The following MAN1C1 variants were observed in gnomAD, a reference collection of about 807,000 sequenced individuals.
MAN1C1 encodes mannosyl-oligosaccharide 1,2-alpha-mannosidase IC.
In MAN1C1, 49 loss-of-function variants were observed where a neutral mutation model predicts 71.5. The ratio of observed to expected loss-of-function variants is 0.69; its 90% CI spans 0.54 to 0.87. The LOEUF is 0.87. MAN1C1 is among the 40% of genes least tolerant of loss of function. The pLI, the probability that MAN1C1 is intolerant of heterozygous loss-of-function variation, is 0.00. For missense variants in MAN1C1, 743 were observed against 835.0 expected (o/e 0.89, Z 1.36); for synonymous variants, 352 against 343.7 (o/e 1.02, Z -0.27).
In MAN1C1 at chr1:25,634,093, A is replaced by G. The variant is rs1282190678; in HGVS notation, c.540+15756A>G. Among the ~76,000 whole-genome samples the G allele has an allele frequency of 6.6e-6, 1 of 152,186 alleles. No individual in the cohort carries two copies. The highest frequency in any genetic ancestry group is 1.5e-5 in the Non-Finnish European group (1 of 68,026). On this transcript the variant is annotated intron_variant, in intron 1 of 11. Transcript: ENST00000374332. This position sits in a 1 kb window ranked among gnomAD's most constrained non-coding sequence, Gnocchi z 4.6. ...TATTGATTTTGTATCATATGACCTTATTGAACCAATTTATTATGTATATAT... is the reference window on the plus strand; with the variant it reads ...TATTGATTTTGTATCATATGACCTTGTTGAACCAATTTATTATGTATATAT...
At chr1:25,681,934 G>A (rs568477090) in intron 1 of MAN1C1, among the ~76,000 whole-genome samples, 1 of 150,684 alleles carries the variant, frequency 6.6e-6, no homozygotes, top group South Asian at 2.1e-4. Context: ...AATCATGCTA[G>A]TCTAACCCCC....
Position 25,755,863 on chromosome 1 carries a change from G to C in MAN1C1, c.929+2285G>C, listed in dbSNP as rs59990102. ...TGGGCCCACTTGCACTTGAAAGGCT[G>C]GGAGAGGAGATCAGAGCTTCCTGCT... On this transcript the variant is annotated intron_variant, in intron 5 of 11. Coordinates refer to ENST00000374332, the MANE Select transcript of MAN1C1 (RefSeq NM_020379.4). Among the ~76,000 whole-genome samples, 13 of 152,336 alleles carry C rather than the reference G, an allele frequency of 8.5e-5. No homozygotes were observed. In the South Asian group the frequency reaches 1.9e-3, roughly 22 times the overall value.
intron 1 of MAN1C1, among the ~76,000 whole-genome samples, chr1:25,648,665 C>G (rs1429657577): frequency 6.6e-6 from 1 of 152,210 alleles, no homozygotes; most frequent in Non-Finnish European, 1.5e-5. Flanking sequence ...AGTGGAGCCT[C>G]AATTCTGATG....
rs1403457139 is a variant in MAN1C1, at chr1:25,616,938, A to G, written c.-860A>G. On this transcript the variant is annotated 5_prime_UTR_variant, in exon 1 of 12. Coordinates refer to ENST00000374332, the MANE Select transcript of MAN1C1 (RefSeq NM_020379.4). The surrounding 1 kb of genome is among the most constrained non-coding windows in gnomAD (Gnocchi z 5.6). Reference sequence around the variant, plus strand: ...CAGCTGCAGCGGGGGAGGCGCGGCCAGGGCTGCGCGCTCCGCGGAGCCGGC... The same window carrying G: ...CAGCTGCAGCGGGGGAGGCGCGGCCGGGGCTGCGCGCTCCGCGGAGCCGGC... Among the ~76,000 whole-genome samples the G allele has an allele frequency of 2.0e-5, 3 of 148,822 alleles. No individual in the cohort carries two copies. Among genetic ancestry groups the G allele is most frequent in the Non-Finnish European group, 4.5e-5 (3 of 67,076 alleles).
rs1057381206 is a variant in MAN1C1, at chr1:25,784,363, C to T, written c.*574C>T. 4 of 152,212 alleles carry T rather than the reference C, an allele frequency of 2.6e-5. No individual in the cohort carries two copies. Among genetic ancestry groups the T allele is most frequent in the South Asian group, 2.1e-4 (1 of 4,828 alleles). 9.4% of individuals were successfully genotyped at this position (152,212 alleles called of 1,614,324 possible). ...TGAGGAGGGGTTTCCCTTTGGGCCT[C>T]AGTGTTACAAATTACTAGTGCTATT... On this transcript the variant is annotated 3_prime_UTR_variant, in exon 12 of 12. Transcript: ENST00000374332.
chr1:25,776,484 C>T lies in MAN1C1; in HGVS notation c.1258-1621C>T, dbSNP rs575125581. 1.3e-5 allele frequency among the ~76,000 whole-genome samples: 2 copies of T among 152,244 alleles called. No homozygotes were observed. Among genetic ancestry groups the T allele is most frequent in the South Asian group, 2.1e-4 (1 of 4,820 alleles). On this transcript the variant is annotated intron_variant, in intron 8 of 11. Transcript: ENST00000374332. This position sits in a 1 kb window ranked among gnomAD's most constrained non-coding sequence, Gnocchi z 4.3. ...ACGAGAATGGTTTAAACTTGGGAGG[C>T]GGAGGTTGCAGTGAGCCAAGATCAT...
At chr1:25,693,552 A>G (rs1444388223) in intron 2 of MAN1C1, among the ~76,000 whole-genome samples, 3 of 152,122 alleles carry the variant, frequency 2.0e-5, no homozygotes, top group Non-Finnish European at 4.4e-5. Flanking sequence ...AATTGCTTGA[A>G]CCTGGGAGGT....
At chr1:25,721,339 TA>T (rs2046763937) in intron 2 of MAN1C1, among the ~76,000 whole-genome samples, 1 of 152,198 alleles carries the variant, frequency 6.6e-6, no homozygotes, top group Admixed American at 6.5e-5. Context: ...GGGATTTTGA[TA>T]GGGATTACAC....
At chr1:25,774,027 G>A (rs1241456356) in intron 8 of MAN1C1, among the ~76,000 whole-genome samples, 1 of 152,120 alleles carries the variant, frequency 6.6e-6, no homozygotes, top group African/African-American at 2.4e-5. Flanking sequence ...GTCAGGGTTG[G>A]GAACCACCCA....
intron 1 of MAN1C1, among the ~76,000 whole-genome samples, chr1:25,684,930 G>A (rs2046208591): frequency 6.6e-6 from 1 of 152,224 alleles, no homozygotes; most frequent in African/African-American, 2.4e-5. Flanking sequence ...AGATTCTTGG[G>A]CCCCACCCCA....
At position 25,735,672 on chromosome 1, in the gene MAN1C1, TA is replaced by T. The variant is rs2046973672; in HGVS notation, c.638-10995del. 6.6e-6 allele frequency among the ~76,000 whole-genome samples: 1 copy of T among 152,178 alleles called. No homozygotes were observed. The highest frequency in any genetic ancestry group is 6.5e-5 in the Admixed American group (1 of 15,282). ...CCACAGTGTTGTTTGTGACTGCAGA[TA>T]GGCTGGAATTTGGTTTATCTAGGCT... On this transcript the variant is annotated intron_variant, in intron 2 of 11. Coordinates refer to ENST00000374332, the MANE Select transcript of MAN1C1 (RefSeq NM_020379.4). The surrounding 1 kb of genome is among the most constrained non-coding windows in gnomAD (Gnocchi z 4.6).
intron 2 of MAN1C1, among the ~76,000 whole-genome samples, chr1:25,744,687 C>G (rs1046052203): frequency 6.6e-6 from 1 of 152,142 alleles, no homozygotes; most frequent in Non-Finnish European, 1.5e-5. Flanking sequence ...CAGACCTTGC[C>G]CAGCCTAGAG....
intron 4 of MAN1C1, among the ~76,000 whole-genome samples, chr1:25,751,947 TG>T (rs1159937273): frequency 6.6e-6 from 1 of 152,126 alleles, no homozygotes; most frequent in Non-Finnish European, 1.5e-5. Context: ...TCACATGCAG[TG>T]GGTGCCTGTT....
At position 25,753,404 on chromosome 1, in the gene MAN1C1, A is replaced by G; in HGVS notation, c.835-80A>G. On this transcript the variant is annotated intron_variant, in intron 4 of 11. Transcript: ENST00000374332. The surrounding 1 kb of genome is among the most constrained non-coding windows in gnomAD (Gnocchi z 4.9). ...CTAGACCTGCAGCCCTGGGGGGTTC[A>G]TCCTGCCTGCAGCAGTTCTGGGGTT... 1.8e-6 allele frequency: 2 copies of G among 1,081,312 alleles called. No homozygotes were observed. The highest frequency in any genetic ancestry group is 2.7e-6 in the Non-Finnish European group (2 of 742,230). The allele number at this position is 1,081,312 out of a possible 1,614,324, so 67.0% of individuals were successfully genotyped here.
At chr1:25,750,207 G>C (rs898365103) in intron 4 of MAN1C1, among the ~76,000 whole-genome samples, 14 of 124,286 alleles carry the variant, frequency 1.1e-4, no homozygotes, top group Non-Finnish European at 2.5e-4. Context: ...AAGGCTGATG[G>C]CTCCAAAGCC....
At chr1:25,623,139 TAA>T (rs2045239938) in intron 1 of MAN1C1, among the ~76,000 whole-genome samples, 1 of 152,198 alleles carries the variant, frequency 6.6e-6, no homozygotes, top group African/African-American at 2.4e-5. Flanking sequence ...GACTGGCCTG[TAA>T]TAACTGGACA....
At chr1:25,625,062 G>A (rs551861850) in intron 1 of MAN1C1, among the ~76,000 whole-genome samples, 160 of 135,628 alleles carry the variant, frequency 1.2e-3, no homozygotes, top group African/African-American at 4.5e-3. Context: ...CTGGAGTGCC[G>A]TGGCACAATC....
chr1:25,750,279 CT>C (rs2047196559), intron 4 of MAN1C1, among the ~76,000 whole-genome samples: 1 of 152,236 alleles, frequency 6.6e-6, no homozygotes, highest in South Asian at 2.1e-4. Flanking sequence ...TGGGAGGCTT[CT>C]TCATCCCCGC....
chr1:25,627,974 G>A (rs996705367), intron 1 of MAN1C1, among the ~76,000 whole-genome samples: 16 of 152,142 alleles, frequency 1.1e-4, no homozygotes, highest in Admixed American at 2.0e-4. Flanking sequence ...CTTGAGCCAG[G>A]AGGTTGAGTC....
Sources: gnomAD v4.1 joint callset for allele counts (sites outside exome capture counted in the v4.1 genomes callset) on GRCh38, gnomAD v4.1.1 for gene constraint, Gnocchi (gnomAD v3.1) non-coding constraint, MANE v1.5 for transcripts, NCBI Gene and HGNC (gene_info 2026-07-23, HGNC 2026-07-21) for gene names.